SHPK: variants seen among roughly 807,000 people sequenced by gnomAD.
SHPK encodes the protein carbohydrate kinase-like protein.
In SHPK, 51 loss-of-function variants were observed where a neutral mutation model predicts 46.3. The observed-to-expected ratio is 1.10, with a 90% CI of 0.88 to 1.39. SHPK has a LOEUF of 1.39. SHPK is among the 40% of genes most tolerant of loss of function. The pLI is 0.00. For missense variants in SHPK, 668 were observed against 641.3 expected (o/e 1.04, Z -0.45); for synonymous variants, 290 against 273.9 (o/e 1.06, Z -0.58).
intron 2 of SHPK, among the ~76,000 whole-genome samples, chr17:3,628,331 T>C (rs1378624021): frequency 6.6e-6 from 1 of 152,084 alleles, no homozygotes; most frequent in Non-Finnish European, 1.5e-5. Flanking sequence ...AATTTCTTTT[T>C]TTTTTTTTTG....
At chr17:3,633,966 A>AC (rs949522184) in intron 1 of SHPK, among the ~76,000 whole-genome samples, 2 of 149,234 alleles carry the variant, frequency 1.3e-5, no homozygotes, top group South Asian at 2.2e-4. Flanking sequence ...CTGTGACCTT[A>AC]CCCCCAACCC....
chr17:3,633,243 A>C (rs976165145), intron 1 of SHPK, among the ~76,000 whole-genome samples: 4 of 151,776 alleles, frequency 2.6e-5, no homozygotes, highest in Admixed American at 6.6e-5. Context: ...CGCCTCCCAA[A>C]GTGCTGGGAT....
intron 6 of SHPK, 122 bp from the exon 7 acceptor site, chr17:3,611,094 G>T: frequency 1.1e-6 from 1 of 928,276 alleles, no homozygotes; most frequent in South Asian, 1.6e-5. Flanking sequence ...CGCTGCAGCT[G>T]GTGGTTCTGG....
chr17:3,617,505 G>A (rs1191793520), intron 5 of SHPK, among the ~76,000 whole-genome samples: 1 of 152,146 alleles, frequency 6.6e-6, no homozygotes, highest in Non-Finnish European at 1.5e-5. Context: ...AAGACCTCCA[G>A]TAGAAAAGGT....
chr17:3,628,025 C>T (rs984981776), intron 2 of SHPK, among the ~76,000 whole-genome samples: 2 of 152,006 alleles, frequency 1.3e-5, no homozygotes, highest in East Asian at 2.0e-4. Flanking sequence ...TCAGCTCCTA[C>T]GATTGCCCAG....
At chr17:3,621,197 G>A (rs780192682) in intron 5 of SHPK, 40 bp downstream of exon 5, 6 of 1,520,634 alleles carry the variant, frequency 3.9e-6, no homozygotes, top group East Asian at 2.4e-5. Context: ...TGAGGCAGGC[G>A]ACAGTGTAAG....
At chr17:3,618,926 G>A (rs909873320) in intron 5 of SHPK, among the ~76,000 whole-genome samples, 1 of 152,154 alleles carries the variant, frequency 6.6e-6, no homozygotes, top group East Asian at 1.9e-4. Context: ...TGTATTTCTA[G>A]GAGCAGAATT....
In SHPK at chr17:3,630,242, G is replaced by A. The variant is rs369067968; in HGVS notation, c.273C>T (p.Gly91=). Reference sequence around the variant, plus strand: ...TCCAAAACACGACTCCATGCATCTGGCCCGACACCCCGATGCCCACGACGC... The same window carrying A: ...TCCAAAACACGACTCCATGCATCTGACCCGACACCCCGATGCCCACGACGC... ...LRSVVGIGVS[G]QMHGVVFWKT... is the part of the protein sequence containing the mutation. The change falls in exon 2 of 7, where the codon GGC becomes GGT. Residue 91 remains glycine (G), a synonymous_variant. Transcript: ENST00000225519. The A allele has an allele frequency of 6.2e-7, 1 of 1,613,782 alleles. No homozygotes were observed. The highest frequency in any genetic ancestry group is 1.1e-5 in the South Asian group (1 of 91,070).
chr17:3,628,847 C>G (rs2075453887), intron 2 of SHPK, among the ~76,000 whole-genome samples: 1 of 152,104 alleles, frequency 6.6e-6, no homozygotes, highest in Admixed American at 6.5e-5. Context: ...TGGGGTCCCA[C>G]TATGTTGCCC....
chr17:3,620,862 C>T (rs2075396434), intron 5 of SHPK, among the ~76,000 whole-genome samples: 1 of 152,196 alleles, frequency 6.6e-6, no homozygotes, highest in Admixed American at 6.6e-5. Context: ...CCCAGCCTAT[C>T]CTGCACTTCT....
chr17:3,623,968 G>A (rs762881380), intron 3 of SHPK, 80 bp downstream of exon 3: 72 of 1,346,662 alleles, frequency 5.3e-5, no homozygotes, highest in Admixed American at 3.0e-4. Flanking sequence ...CCCAGCAGGC[G>A]GGGTGATGCT....
Position 3,623,401 on chromosome 17 carries a change from G to A in SHPK, c.585C>T (p.Ser195=), listed in dbSNP as rs76084955. Residue 195 remains serine, a synonymous_variant, in exon 4 of 7, where the codon TCC becomes TCT. Coordinates refer to ENST00000225519, the MANE Select transcript of SHPK (RefSeq NM_013276.4). ...MLCGLPRPLM[S]DQNAASWGYF... ...AGCCCCAGCTGGCAGCATTCTGGTC[G>A]GACATCAGAGGTCTTGGCAAGCCAC... The A allele has an allele frequency of 2.7e-4, 436 of 1,614,166 alleles. 3 individuals carry two copies. The East Asian group carries it at 7.6e-3, about 28-fold the overall frequency.
At chr17:3,627,923 C>T (rs950737164) in intron 2 of SHPK, among the ~76,000 whole-genome samples, 7 of 152,010 alleles carry the variant, frequency 4.6e-5, no homozygotes, top group African/African-American at 1.5e-4. Context: ...CTTCTGCTCC[C>T]GCCACTGCTC....
chr17:3,632,573 T>C (rs192710292), intron 1 of SHPK, among the ~76,000 whole-genome samples: 1 of 152,098 alleles, frequency 6.6e-6, no homozygotes, highest in African/African-American at 2.4e-5. Context: ...GTTCAGCAGT[T>C]AGAAACAGTT....
rs777441769 is a variant in SHPK, at chr17:3,636,101, C to G, written c.119G>C (p.Arg40Pro). The change falls in exon 1 of 7, where the codon CGT becomes CCT. Residue 40 changes from arginine (R) to proline (P), a missense_variant. By Grantham distance (103) the Arg-to-Pro change is moderately radical. Transcript: ENST00000225519. ...SGFAVLASCA[R>P]AARAEAAVES... ...GACCGCCGCCTCTGCCCGCGCAGCA[C>G]GGGCACAGCTCGCCAGCACTGCGAA... 1 of 1,604,820 alleles carries G rather than the reference C, an allele frequency of 6.2e-7. No homozygotes were observed. Among genetic ancestry groups the G allele is most frequent in the East Asian group, 2.2e-5 (1 of 44,504 alleles).
chr17:3,625,460 G>A (rs1163181337), intron 2 of SHPK, among the ~76,000 whole-genome samples: 3 of 152,102 alleles, frequency 2.0e-5, no homozygotes, highest in Non-Finnish European at 4.4e-5. Context: ...CGACTACGCC[G>A]AGGCCGCCAT....
chr17:3,613,098 C>T (rs1257734190), intron 6 of SHPK, among the ~76,000 whole-genome samples: 1 of 152,136 alleles, frequency 6.6e-6, no homozygotes, highest in African/African-American at 2.4e-5. Flanking sequence ...TAGGGCTGAC[C>T]CTAACATTCT....
In SHPK at chr17:3,612,201, G is replaced by A. The variant is rs151013063; in HGVS notation, c.1025-1229C>T. Reference sequence around the variant, plus strand: ...AGCACTTTGGGAGGTCAAGACAGGCGGATCACTTGAAGTCAGGAGTTCCAG... The same window carrying A: ...AGCACTTTGGGAGGTCAAGACAGGCAGATCACTTGAAGTCAGGAGTTCCAG... On this transcript the variant is annotated intron_variant, in intron 6 of 6. Coordinates refer to ENST00000225519, the MANE Select transcript of SHPK (RefSeq NM_013276.4). Among the ~76,000 whole-genome samples the A allele has an allele frequency of 5.8e-3, 880 of 151,956 alleles. 6 individuals are homozygous for A. Among genetic ancestry groups the A allele is most frequent in the Middle Eastern group, 0.021 (6 of 288 alleles).
rs1015770659 is a variant in SHPK, at chr17:3,614,053, G to A, written c.1024+1284C>T. Among the ~76,000 whole-genome samples the A allele has an allele frequency of 1.6e-4, 25 of 152,282 alleles. 1 individual carries two copies. Among genetic ancestry groups the A allele is most frequent in the African/African-American group, 4.8e-4 (20 of 41,562 alleles). The stretch of plus-strand genomic sequence containing the variant: ...CTATTTAGTGAGGACGAATGGAGGC[G>A]AAAGCTGCTATGAGCTGTTGAGTTA... On this transcript the variant is annotated intron_variant, in intron 6 of 6. Coordinates refer to ENST00000225519, the MANE Select transcript of SHPK (RefSeq NM_013276.4).
Sources: allele counts gnomAD v4.1 joint callset (sites outside exome capture counted in the v4.1 genomes callset), GRCh38; gene constraint gnomAD v4.1.1; transcripts MANE v1.5; gene names NCBI Gene and HGNC (gene_info 2026-07-23, HGNC 2026-07-21).